LONP2: variants seen among roughly 807,000 people sequenced by gnomAD.
LONP2 encodes the protein lon protease homolog 2, peroxisomal.
LONP2 carries 60 observed loss-of-function variants against 85.6 expected under a neutral mutation model. The ratio of observed to expected loss-of-function variants is 0.70; its 90% CI spans 0.57 to 0.87. The LOEUF is 0.87. LONP2 is among the 40% of genes least tolerant of loss of function. The pLI is 0.00. For missense variants in LONP2, 860 were observed against 1,063.5 expected, an observed-to-expected ratio of 0.81 and a Z score of 2.66; for synonymous variants, 395 against 389.7, an observed-to-expected ratio of 1.01 and a Z score of -0.16.
intron 1 of LONP2, among the ~76,000 whole-genome samples, chr16:48,248,562 A>C (rs995965171): frequency 6.6e-6 from 1 of 152,128 alleles, no homozygotes; most frequent in South Asian, 2.1e-4. Context: ...CCTATATCCA[A>C]ATGGGTAGTT....
chr16:48,245,532 A>C (rs181338696), intron 1 of LONP2, among the ~76,000 whole-genome samples: 1 of 152,154 alleles, frequency 6.6e-6, no homozygotes, highest in African/African-American at 2.4e-5. Context: ...AATTGAGATG[A>C]TAGAATTGCC....
intron 11 of LONP2, among the ~76,000 whole-genome samples, chr16:48,313,170 A>C (rs1440942480): frequency 6.6e-6 from 1 of 152,118 alleles, no homozygotes; most frequent in East Asian, 1.9e-4. Flanking sequence ...GTCATTTTCT[A>C]CCAACAAGTA....
chr16:48,336,378 T>A (rs1453614524), intron 12 of LONP2: 3 of 456,090 alleles, frequency 6.6e-6, no homozygotes, highest in African/African-American at 6.0e-5. Context: ...CCAGTAGCCA[T>A]TTTGTCTTTT....
rs764333936 is a variant in LONP2, at chr16:48,362,387, C to T, written c.*524C>T. 33 of 1,613,994 alleles carry T rather than the reference C, an allele frequency of 2.0e-5. No individual in the cohort carries two copies. Among genetic ancestry groups the T allele is most frequent in the Admixed American group, 2.0e-4 (12 of 59,992 alleles). ...GCACCCTCTGGGATGGTGGACACTT[C>T]GAGGTACCGGTAGGTAATGCTGTAG... On this transcript the variant is annotated 3_prime_UTR_variant, in exon 5 of 5. Coordinates refer to the LONP2 transcript ENST00000565867. This position sits in a 1 kb window ranked among gnomAD's most constrained non-coding sequence, Gnocchi z 4.2.
intron 7 of LONP2, 112 bp downstream of exon 7, chr16:48,270,386 GGTACC>G (rs1972079195): frequency 1.7e-6 from 2 of 1,153,602 alleles, no homozygotes; most frequent in African/African-American, 3.1e-5. Context: ...GGCTATGTGT[GGTACC>G]TTGAATGAAA....
intron 11 of LONP2, among the ~76,000 whole-genome samples, chr16:48,327,287 T>A (rs1007799922): frequency 6.6e-5 from 10 of 152,228 alleles, no homozygotes; most frequent in Admixed American, 5.2e-4. Flanking sequence ...TCTGCATAGA[T>A]TAAATCAACT....
downstream of LONP2, chr16:48,361,476 GCTT>G: frequency 8.9e-7 from 1 of 1,127,042 alleles, no homozygotes; most frequent in Non-Finnish European, 1.3e-6. Flanking sequence ...CATGTGTCTA[GCTT>G]CCACCTACCG....
At chr16:48,281,344 A>T (rs1178064779) in intron 8 of LONP2, among the ~76,000 whole-genome samples, 1 of 152,182 alleles carries the variant, frequency 6.6e-6, no homozygotes, top group African/African-American at 2.4e-5. Flanking sequence ...TTGTCCAAAA[A>T]AGGAGAATTC....
At chr16:48,305,911 C>T (rs1292271920) in intron 11 of LONP2, among the ~76,000 whole-genome samples, 2 of 152,052 alleles carry the variant, frequency 1.3e-5, no homozygotes, top group African/African-American at 2.4e-5. Flanking sequence ...GAAGTAAAAA[C>T]GCATGCTCAG....
At chr16:48,304,724 A>T (rs1972876132) in intron 11 of LONP2, among the ~76,000 whole-genome samples, 1 of 152,198 alleles carries the variant, frequency 6.6e-6, no homozygotes, top group Non-Finnish European at 1.5e-5. Context: ...ATAAGTAAAT[A>T]AAATAAAATG....
Position 48,281,927 on chromosome 16 carries a change from A to G in LONP2, c.1383+4448A>G, listed in dbSNP as rs571842762. ...CTTAGACATCATCTAATCCAGCTTCATGCTCTTAAGGATAAAAAGCTTAAG... is the reference window on the plus strand; with the variant it reads ...CTTAGACATCATCTAATCCAGCTTCGTGCTCTTAAGGATAAAAAGCTTAAG... On this transcript the variant is annotated intron_variant, in intron 8 of 14. Transcript: ENST00000285737. Among the ~76,000 whole-genome samples, 103 of 152,350 alleles carry G rather than the reference A, an allele frequency of 6.8e-4. 1 individual carries two copies. The Middle Eastern group carries it at 0.01, about 15-fold the overall frequency.
chr16:48,257,812 A>G (rs1971790302), intron 3 of LONP2, among the ~76,000 whole-genome samples: 2 of 152,256 alleles, frequency 1.3e-5, no homozygotes, highest in South Asian at 4.1e-4. Context: ...GGACTGCCAG[A>G]GAGCCCCCTG....
At chr16:48,264,242 C>T (rs1458799062) in intron 6 of LONP2, among the ~76,000 whole-genome samples, 4 of 152,104 alleles carry the variant, frequency 2.6e-5, no homozygotes, top group African/African-American at 7.2e-5. Flanking sequence ...CCTAATAAGC[C>T]TGGGAGCGCT....
chr16:48,339,322 A>T (rs150722630), intron 12 of LONP2, among the ~76,000 whole-genome samples: 2 of 152,356 alleles, frequency 1.3e-5, no homozygotes, highest in Non-Finnish European at 2.9e-5. Context: ...GATCAAAAGA[A>T]GATCAAGGTC....
chr16:48,284,967 C>T (rs1972408100), intron 8 of LONP2, among the ~76,000 whole-genome samples: 1 of 152,152 alleles, frequency 6.6e-6, no homozygotes, highest in Non-Finnish European at 1.5e-5. Context: ...TGCCAGTGCG[C>T]TCTATTTCTT....
intron 8 of LONP2, among the ~76,000 whole-genome samples, chr16:48,295,037 C>T (rs933753858): frequency 3.3e-4 from 51 of 152,306 alleles, no homozygotes; most frequent in African/African-American, 1.2e-3. Flanking sequence ...CTTTAATGTA[C>T]AGTTGCACAT....
chr16:48,306,853 A>G (rs1472989128), intron 11 of LONP2, among the ~76,000 whole-genome samples: 4 of 152,228 alleles, frequency 2.6e-5, no homozygotes, highest in African/African-American at 4.8e-5. Flanking sequence ...AAAATAAGAC[A>G]GTTGTTTTAG....
At chr16:48,300,942 A>G (rs13336441) in intron 10 of LONP2, among the ~76,000 whole-genome samples, 1 of 152,186 alleles carries the variant, frequency 6.6e-6, no homozygotes, top group Non-Finnish European at 1.5e-5. Context: ...CTGAAGAGTG[A>G]TCATTATTTA....
chr16:48,284,625 C>G (rs1972399420), intron 8 of LONP2, among the ~76,000 whole-genome samples: 1 of 152,110 alleles, frequency 6.6e-6, no homozygotes. Context: ...GTTTTTTAGA[C>G]ATAATGCTAT....
Sources: allele counts gnomAD v4.1 joint callset (sites outside exome capture counted in the v4.1 genomes callset), GRCh38; gene constraint gnomAD v4.1.1; non-coding constraint Gnocchi (gnomAD v3.1); transcripts MANE v1.5; gene names NCBI Gene and HGNC (gene_info 2026-07-23, HGNC 2026-07-21).